CP: variants seen among roughly 807,000 people sequenced by gnomAD.
CP encodes caeruloplasmin.
In CP, 64 loss-of-function variants were observed where a neutral mutation model predicts 122.4. The ratio of observed to expected loss-of-function variants is 0.52; its 90% CI spans 0.43 to 0.64. The LOEUF (loss-of-function observed/expected upper bound fraction) is 0.64, where lower values mean the gene tolerates loss of function less well. CP is among the 30% of genes least tolerant of loss of function. The pLI, the probability that CP is intolerant of heterozygous loss-of-function variation, is 0.00. For synonymous variants in CP, 440 were observed against 436.4 expected (o/e 1.01, Z -0.10); for missense variants, 1,167 against 1,284.4 (o/e 0.91, Z 1.40).
At chr3:149,167,673 A>G (rs1053655367), downstream of CP, among the ~76,000 whole-genome samples, 1 of 152,162 alleles carries the variant, frequency 6.6e-6, no homozygotes, top group Admixed American at 6.5e-5. Context: ...TATGTACAAT[A>G]TATGTATTAC....
intron 9 of CP, among the ~76,000 whole-genome samples, chr3:149,194,245 ATTTTTTT>A (rs10718513): frequency 7.3e-6 from 1 of 137,920 alleles, no homozygotes; most frequent in African/African-American, 2.6e-5. Flanking sequence ...TTTATTTTTT[ATTTTTTT>A]TTTTGAGACA....
intron 9 of CP, among the ~76,000 whole-genome samples, chr3:149,193,424 G>A (rs576465369): frequency 8.5e-5 from 13 of 152,186 alleles, no homozygotes; most frequent in African/African-American, 2.4e-4. Context: ...TTCAGAATAA[G>A]GCTGAAGTTT....
chr3:149,184,470 G>A (rs1726016991), intron 12 of CP, among the ~76,000 whole-genome samples: 1 of 152,104 alleles, frequency 6.6e-6, no homozygotes, highest in Non-Finnish European at 1.5e-5. Flanking sequence ...CTAGCCACAG[G>A]TCACCAGTTG....
chr3:149,179,965 T>G (rs1391417506), intron 14 of CP: 1 of 339,706 alleles, frequency 2.9e-6, no homozygotes, highest in Non-Finnish European at 5.6e-6. Context: ...GAAAAAACTT[T>G]GCAACCAATC....
At chr3:149,201,228 A>C (rs1727289473) in intron 7 of CP, among the ~76,000 whole-genome samples, 1 of 151,962 alleles carries the variant, frequency 6.6e-6, no homozygotes. Context: ...AGTTCACGCC[A>C]TTCTCCTGCC....
rs763635067 is a variant in CP at position 149,206,394 on chromosome 3, A to T, written c.1037-55T>A. ...AATGAAGACAATGTTTCTCTCTCCTATTGCCCTGTAAACACTGCTCGGGTG... is the reference window on the plus strand; with the variant it reads ...AATGAAGACAATGTTTCTCTCTCCTTTTGCCCTGTAAACACTGCTCGGGTG... On this transcript the variant is annotated intron_variant, in intron 5 of 18. Coordinates refer to ENST00000264613, the MANE Select transcript of CP (RefSeq NM_000096.4). 17 of 1,598,446 alleles carry T rather than the reference A, an allele frequency of 1.1e-5. No individual in the cohort carries two copies. In the African/African-American group the frequency reaches 1.7e-4, roughly 16 times the overall value.
At chr3:149,217,628 C>T (rs770880260) in intron 1 of CP, among the ~76,000 whole-genome samples, 19 of 152,140 alleles carry the variant, frequency 1.2e-4, no homozygotes, top group Non-Finnish European at 2.4e-4. Context: ...TGGCTGAATG[C>T]TTGAATAAAC....
At chr3:149,170,714 T>G (rs1031422324), downstream of CP, 2 of 152,164 alleles carry the variant, frequency 1.3e-5, no homozygotes, top group African/African-American at 4.8e-5. Flanking sequence ...AAAGAAAAAT[T>G]TAGGTTGCTG....
At chr3:149,193,832 A>G (rs1190545256) in intron 9 of CP, among the ~76,000 whole-genome samples, 2 of 152,228 alleles carry the variant, frequency 1.3e-5, no homozygotes, top group Non-Finnish European at 2.9e-5. Flanking sequence ...CATTTTACTG[A>G]TGATTCAGAT....
intron 5 of CP, chr3:149,162,954 T>G: frequency 8.1e-7 from 1 of 1,228,060 alleles, no homozygotes. Flanking sequence ...TTTTAATAAC[T>G]TATTATAAAA....
chr3:149,188,089 C>T lies in CP; in HGVS notation c.1827G>A (p.Lys609=). The T allele has an allele frequency of 6.2e-7, 1 of 1,612,184 alleles. No homozygotes were observed. The highest frequency in any genetic ancestry group is 8.5e-7 in the Non-Finnish European group (1 of 1,179,872). The part of the protein sequence containing the change: ...MFTTAPDQVD[K]EDEDFQESNK... ...TAGATTCCTGAAAGTCTTCATCTTC[C>T]TTATCCACCTGATCAGGTGCAGTTG... The change falls in exon 10 of 19, where the codon AAG becomes AAA. Residue 609 remains lysine (K), a synonymous_variant. Coordinates refer to ENST00000264613, the MANE Select transcript of CP (RefSeq NM_000096.4).
intron 9 of CP, among the ~76,000 whole-genome samples, chr3:149,189,761 T>A (rs1457594206): frequency 6.6e-6 from 1 of 152,180 alleles, no homozygotes; most frequent in Non-Finnish European, 1.5e-5. Context: ...ATCACCTGTA[T>A]ACTGATCGAC....
chr3:149,202,605 C>CTTTTTTTTTT (rs34873592), intron 6 of CP, among the ~76,000 whole-genome samples: 1 of 106,814 alleles, frequency 9.4e-6, no homozygotes, highest in Non-Finnish European at 1.9e-5. Context: ...TGTTGTTTGT[C>CTTTTTTTTTT]TTTTTTTTTT....
intron 18 of CP, among the ~76,000 whole-genome samples, chr3:149,174,300 T>C (rs1481670673): frequency 6.6e-6 from 1 of 152,234 alleles, no homozygotes; most frequent in Non-Finnish European, 1.5e-5. Context: ...AATTTGAAGA[T>C]CTCTAGTTTT....
downstream of CP, among the ~76,000 whole-genome samples, chr3:149,170,956 T>C (rs1724916998): frequency 6.6e-6 from 1 of 152,198 alleles, no homozygotes; most frequent in Non-Finnish European, 1.5e-5. Context: ...TGCATTTTTT[T>C]TAATGTATGT....
chr3:149,203,234 G>T (rs1176582119), intron 6 of CP, among the ~76,000 whole-genome samples: 1 of 151,890 alleles, frequency 6.6e-6, no homozygotes, highest in Admixed American at 6.6e-5. Flanking sequence ...TTGTGTATTA[G>T]CACTGGCCAG....
intron 16 of CP, 64 bp from the exon 17 acceptor site, chr3:149,178,043 G>T (rs1725532158): frequency 2.1e-6 from 3 of 1,420,566 alleles, no homozygotes; most frequent in East Asian, 2.3e-5. Context: ...CTATTTCAAA[G>T]AAAATATGAT....
chr3:149,195,625 T>C (rs1726849450), intron 9 of CP, among the ~76,000 whole-genome samples: 1 of 152,096 alleles, frequency 6.6e-6, no homozygotes, highest in Non-Finnish European at 1.5e-5. Flanking sequence ...AATGGAAGAA[T>C]AGGCAGAGGC....
At chr3:149,216,649 T>G (rs988818548) in intron 1 of CP, among the ~76,000 whole-genome samples, 2 of 152,210 alleles carry the variant, frequency 1.3e-5, no homozygotes, top group African/African-American at 4.8e-5. Context: ...TGCAAGAATA[T>G]GGCAGAGACT....
Sources: gnomAD v4.1 joint callset for allele counts (sites outside exome capture counted in the v4.1 genomes callset) on GRCh38, gnomAD v4.1.1 for gene constraint, MANE v1.5 for transcripts, NCBI Gene and HGNC (gene_info 2026-07-23, HGNC 2026-07-21) for gene names.